SGK1: variants seen among roughly 807,000 people sequenced by gnomAD.
SGK1 encodes serine/threonine-protein kinase Sgk1.
Under a neutral mutation model 64.2 loss-of-function variants are expected in SGK1, and 26 were observed. The ratio of observed to expected loss-of-function variants is 0.40; its 90% CI spans 0.30 to 0.56. The LOEUF is 0.56. Among genes scored for constraint, SGK1 ranks in the 20% least tolerant of loss-of-function variants. The pLI is 0.38. For synonymous variants in SGK1, 265 were observed against 239.7 expected, an observed-to-expected ratio of 1.11 and a Z score of -0.98; for missense variants, 519 against 645.6, an observed-to-expected ratio of 0.80 and a Z score of 2.12.
intron 1 of SGK1, among the ~76,000 whole-genome samples, chr6:134,280,517 A>T (rs1777078236): frequency 6.6e-6 from 1 of 152,180 alleles, no homozygotes; most frequent in Admixed American, 6.5e-5. Context: ...GGCTCAAGCG[A>T]TTCTCCCACC....
intron 1 of SGK1, chr6:134,296,856 C>G (rs1470129682): frequency 1.1e-5 from 2 of 175,046 alleles, no homozygotes; most frequent in Non-Finnish European, 2.4e-5. Context: ...AAGCAGTAAA[C>G]TTCCCCGCAC....
At chr6:134,173,408 TAC>T in intron 6 of SGK1, 51 bp from the exon 7 acceptor site, 1 of 1,580,356 alleles carries the variant, frequency 6.3e-7, no homozygotes, top group Non-Finnish European at 8.7e-7. Context: ...CCAGGGAGAA[TAC>T]AAAAGAGGAC....
In SGK1 at chr6:134,172,615, G is replaced by A. The variant is rs1056292099; in HGVS notation, c.947+47C>T. 1.9e-5 allele frequency: 24 copies of A among 1,248,246 alleles called. No homozygotes were observed. In the Admixed American group the frequency reaches 3.0e-4, roughly 16 times the overall value. The allele number at this position is 1,248,246 out of a possible 1,614,324, so 77.3% of individuals were successfully genotyped here. A position where few individuals can be genotyped will look rare whatever the true frequency, so the allele number is the denominator to read the frequency against. ...GGCCCTATGAAACAGCCAGTGCTACGTCTCCTTTATACCAAAACTGGTAGC... is the reference window on the plus strand; with the variant it reads ...GGCCCTATGAAACAGCCAGTGCTACATCTCCTTTATACCAAAACTGGTAGC... On this transcript the variant is annotated intron_variant, in intron 9 of 13. Transcript: ENST00000367858.
At chr6:134,200,488 C>A (rs1775663539) in intron 3 of SGK1, among the ~76,000 whole-genome samples, 1 of 152,190 alleles carries the variant, frequency 6.6e-6, no homozygotes, top group African/African-American at 2.4e-5. Context: ...GCAATTCTAC[C>A]AGATTTCACG....
chr6:134,184,187 AT>A (rs1210357143), intron 3 of SGK1, among the ~76,000 whole-genome samples: 1 of 151,906 alleles, frequency 6.6e-6, no homozygotes, highest in African/African-American at 2.4e-5. Flanking sequence ...CCTTCTTGTC[AT>A]TCGGATCTCC....
intron 2 of SGK1, among the ~76,000 whole-genome samples, chr6:134,245,320 C>A (rs2114729447): frequency 6.6e-6 from 1 of 152,284 alleles, no homozygotes; most frequent in South Asian, 2.1e-4. Context: ...AAGACAGTTG[C>A]TTGAGATGCC....
intron 8 of SGK1, 41 bp from the exon 9 acceptor site, chr6:134,172,815 A>G (rs112737378): frequency 1.4e-6 from 2 of 1,447,972 alleles, no homozygotes; most frequent in Admixed American, 3.4e-5. Flanking sequence ...TTGCAAATGA[A>G]TTTAATTAGT....
chr6:134,229,195 A>G (rs1776239701), intron 2 of SGK1, among the ~76,000 whole-genome samples: 1 of 152,138 alleles, frequency 6.6e-6, no homozygotes. Context: ...TAGGGAGGAG[A>G]TTTACAGCAA....
intron 10 of SGK1, 61 bp from the exon 11 acceptor site, chr6:134,171,793 A>G: frequency 9.1e-7 from 1 of 1,094,804 alleles, no homozygotes; most frequent in Non-Finnish European, 1.4e-6. Context: ...TCCCACGACC[A>G]CACATTTAGT....
At chr6:134,300,354 T>C (rs933703628) in intron 1 of SGK1, among the ~76,000 whole-genome samples, 10 of 151,590 alleles carry the variant, frequency 6.6e-5, no homozygotes, top group African/African-American at 2.4e-4. Context: ...CTGGCTAACA[T>C]GGTGAAACCC....
At chr6:134,256,599 A>G (rs1389899098) in intron 2 of SGK1, among the ~76,000 whole-genome samples, 1 of 152,192 alleles carries the variant, frequency 6.6e-6, no homozygotes, top group Non-Finnish European at 1.5e-5. Flanking sequence ...TTTAGTCAGC[A>G]TACACCTCTC....
chr6:134,312,455 T>G (rs1450133924), intron 1 of SGK1, among the ~76,000 whole-genome samples: 1 of 152,234 alleles, frequency 6.6e-6, no homozygotes, highest in African/African-American at 2.4e-5. Flanking sequence ...TTCTCAGCTC[T>G]GCTAGAGTAA....
intron 3 of SGK1, among the ~76,000 whole-genome samples, chr6:134,204,017 C>T (rs1258536507): frequency 8.6e-5 from 13 of 150,386 alleles, no homozygotes; most frequent in South Asian, 2.1e-4. Context: ...TGAGCCGAGC[C>T]GAGATCATGC....
intron 3 of SGK1, among the ~76,000 whole-genome samples, chr6:134,197,132 CTGAGA>C (rs1158907466): frequency 6.6e-6 from 1 of 152,060 alleles, no homozygotes; most frequent in Non-Finnish European, 1.5e-5. Flanking sequence ...ACTTGGGGGG[CTGAGA>C]TAAGAGGATC....
intron 3 of SGK1, among the ~76,000 whole-genome samples, chr6:134,177,403 T>C (rs1445071245): frequency 5.3e-5 from 8 of 152,232 alleles, no homozygotes; most frequent in Non-Finnish European, 1.2e-4. Flanking sequence ...CCGTATGTCA[T>C]GTCCCACCAT....
chr6:134,210,882 T>A, intron 2 of SGK1, among the ~76,000 whole-genome samples: 1 of 150,756 alleles, frequency 6.6e-6, no homozygotes, highest in Non-Finnish European at 1.5e-5. Context: ...TCCCACACTT[T>A]GGGAGACTGA....
chr6:134,185,297 G>A (rs1775403568), intron 3 of SGK1, among the ~76,000 whole-genome samples: 1 of 152,094 alleles, frequency 6.6e-6, no homozygotes, highest in South Asian at 2.1e-4. Flanking sequence ...TTGCCAGAAA[G>A]CCTGAATGAA....
intron 2 of SGK1, among the ~76,000 whole-genome samples, chr6:134,239,961 G>A (rs1161431043): frequency 6.6e-6 from 1 of 152,090 alleles, no homozygotes; most frequent in Non-Finnish European, 1.5e-5. Flanking sequence ...ACAGGGATGG[G>A]AAGCGAGGAC....
At chr6:134,207,232 A>G in intron 3 of SGK1, 124 bp downstream of exon 3, 1 of 672,550 alleles carries the variant, frequency 1.5e-6, no homozygotes, top group Non-Finnish European at 2.5e-6. Flanking sequence ...TCTCAAGAAA[A>G]ACAAAAAACA....
Sources: allele counts gnomAD v4.1 joint callset (sites outside exome capture counted in the v4.1 genomes callset), GRCh38; gene constraint gnomAD v4.1.1; transcripts MANE v1.5; gene names NCBI Gene and HGNC (gene_info 2026-07-23, HGNC 2026-07-21).